Variants in RGS7 observed in about 807,000 individuals in gnomAD.
The protein encoded by RGS7 is regulator of G protein signaling 7, also known as regulator of G-protein signaling 7.
Under a neutral mutation model 81.1 loss-of-function variants are expected in RGS7, and 27 were observed. The observed-to-expected ratio is 0.33, with a 90% confidence interval of 0.25 to 0.46. The LOEUF is 0.46. Ranked by LOEUF, RGS7 falls within the 20% of genes least tolerant of loss-of-function variation. The pLI is 1.00. For synonymous variants in RGS7, 208 were observed against 207.7 expected, an observed-to-expected ratio of 1.00 and a Z score of -0.01; for missense variants, 396 against 607.4, an observed-to-expected ratio of 0.65 and a Z score of 3.66.
At chr1:241,227,643 T>C (rs1193132774) in intron 2 of RGS7, among the ~76,000 whole-genome samples, 1 of 149,186 alleles carries the variant, frequency 6.7e-6, no homozygotes, top group African/African-American at 2.5e-5. Flanking sequence ...GAAGCTGAGA[T>C]GGGAGGTTTG....
intron 2 of RGS7, among the ~76,000 whole-genome samples, chr1:241,286,118 G>A (rs1470653921): frequency 6.6e-6 from 1 of 152,090 alleles, no homozygotes; most frequent in Non-Finnish European, 1.5e-5. Flanking sequence ...TCTTCTTTAA[G>A]TCTCTTCCAT....
chr1:240,977,091 T>TAC (rs60732630), intron 4 of RGS7, among the ~76,000 whole-genome samples: 12,806 of 133,692 alleles, frequency 0.096, 640 homozygotes, highest in Middle Eastern at 0.12. Context: ...TATCCATCTG[T>TAC]ACACACACAC....
intron 2 of RGS7, 40 bp downstream of exon 2, chr1:241,355,659 G>A (rs1397734800): frequency 5.7e-6 from 9 of 1,573,250 alleles, no homozygotes; most frequent in East Asian, 2.2e-5. Flanking sequence ...CGAGAAAGCC[G>A]GAAGTTTCCC....
intron 2 of RGS7, among the ~76,000 whole-genome samples, chr1:241,284,922 G>A (rs1006166176): frequency 2.0e-5 from 3 of 152,038 alleles, no homozygotes; most frequent in African/African-American, 7.2e-5. Flanking sequence ...CCAGGCTGGA[G>A]TGCAGTGGCA....
chr1:241,287,299 T>G (rs541301235), intron 2 of RGS7, among the ~76,000 whole-genome samples: 1 of 152,276 alleles, frequency 6.6e-6, no homozygotes, highest in African/African-American at 2.4e-5. Context: ...ATAATTCCCA[T>G]GTGTTGTGGG....
chr1:241,189,441 C>T (rs1396734577), intron 2 of RGS7, among the ~76,000 whole-genome samples: 4 of 152,096 alleles, frequency 2.6e-5, no homozygotes, highest in Non-Finnish European at 4.4e-5. Context: ...ATGGGGTTTA[C>T]CATTATTTTC....
At chr1:240,955,551 C>CAAAAAAAAAAAAAAAAAAAAAAAA (rs369155474) in intron 4 of RGS7, among the ~76,000 whole-genome samples, 17 of 140,270 alleles carry the variant, frequency 1.2e-4, no homozygotes, top group East Asian at 2.1e-4. Context: ...GACTCTGTCT[C>CAAAAAAAAAAAAAAAAAAAAAAAA]AAAAAAAAAA....
At chr1:241,133,833 T>A (rs888532611) in intron 2 of RGS7, among the ~76,000 whole-genome samples, 3 of 152,162 alleles carry the variant, frequency 2.0e-5, no homozygotes, top group Non-Finnish European at 4.4e-5. Flanking sequence ...CAATTTGTTG[T>A]GCCAAACACT....
intron 9 of RGS7, among the ~76,000 whole-genome samples, chr1:240,863,474 TA>T (rs113199119): frequency 2.0e-5 from 3 of 152,112 alleles, no homozygotes. Flanking sequence ...GATTCTGTTT[TA>T]AAAAACATAA....
At chr1:240,796,440 G>C (rs890678615) in intron 18 of RGS7, among the ~76,000 whole-genome samples, 3 of 152,110 alleles carry the variant, frequency 2.0e-5, no homozygotes, top group African/African-American at 7.2e-5. Context: ...AATCCCAGTA[G>C]TTTGGGAAGC....
intron 18 of RGS7, among the ~76,000 whole-genome samples, chr1:240,795,162 C>A (rs1365326542): frequency 6.6e-6 from 1 of 151,788 alleles, no homozygotes; most frequent in Non-Finnish European, 1.5e-5. Flanking sequence ...CCAGCCTGGA[C>A]AACAAGAGCA....
At chr1:241,318,311 T>C (rs957043522) in intron 2 of RGS7, among the ~76,000 whole-genome samples, 1 of 152,166 alleles carries the variant, frequency 6.6e-6, no homozygotes, top group Non-Finnish European at 1.5e-5. Context: ...TGAGACTTGG[T>C]TGGAATCTAT....
At chr1:241,240,995 C>T (rs2076234172) in intron 2 of RGS7, among the ~76,000 whole-genome samples, 1 of 152,114 alleles carries the variant, frequency 6.6e-6, no homozygotes, top group South Asian at 2.1e-4. Context: ...TTCATTTGCT[C>T]TCCTCGGCAG....
At chr1:241,281,793 T>C (rs2078527090) in intron 2 of RGS7, among the ~76,000 whole-genome samples, 1 of 152,236 alleles carries the variant, frequency 6.6e-6, no homozygotes, top group Non-Finnish European at 1.5e-5. Flanking sequence ...AAATATGCTT[T>C]AATCAACTAT....
intron 2 of RGS7, among the ~76,000 whole-genome samples, chr1:241,351,760 T>A (rs2083267120): frequency 6.6e-6 from 1 of 151,884 alleles, no homozygotes; most frequent in Non-Finnish European, 1.5e-5. Flanking sequence ...GGGAGAGGGG[T>A]GAGGAACAGT....
intron 3 of RGS7, among the ~76,000 whole-genome samples, chr1:241,087,614 T>C (rs1293256136): frequency 2.6e-5 from 4 of 152,078 alleles, no homozygotes. Flanking sequence ...AATTATAAAA[T>C]GGAGGGAAAT....
At chr1:240,934,481 T>C (rs1037734022) in intron 5 of RGS7, among the ~76,000 whole-genome samples, 1 of 152,212 alleles carries the variant, frequency 6.6e-6, no homozygotes, top group Non-Finnish European at 1.5e-5. Flanking sequence ...TCTTCAAATA[T>C]GGACTGGTTA....
chr1:241,255,844 T>C (rs975155777), intron 2 of RGS7, among the ~76,000 whole-genome samples: 4 of 152,198 alleles, frequency 2.6e-5, no homozygotes, highest in Non-Finnish European at 4.4e-5. Context: ...TAAACATGCA[T>C]TTCAAAGAGA....
At chr1:241,336,273 T>G (rs1254748376) in intron 2 of RGS7, among the ~76,000 whole-genome samples, 6 of 152,128 alleles carry the variant, frequency 3.9e-5, no homozygotes, top group Admixed American at 2.6e-4. Flanking sequence ...CAGACTTCAT[T>G]TAGCACTAAG....
Sources: allele counts gnomAD v4.1 joint callset (sites outside exome capture counted in the v4.1 genomes callset), GRCh38; gene constraint gnomAD v4.1.1; transcripts MANE v1.5; gene names NCBI Gene and HGNC (gene_info 2026-07-23, HGNC 2026-07-21).